KLHL32: variants seen among roughly 807,000 people sequenced by gnomAD.
KLHL32 encodes kelch-like protein 32.
KLHL32 carries 35 observed loss-of-function variants against 64.8 expected under a neutral mutation model. The ratio of observed to expected loss-of-function variants is 0.54; its 90% CI spans 0.41 to 0.72. The LOEUF (loss-of-function observed/expected upper bound fraction) is 0.72, where lower values mean the gene tolerates loss of function less well. Among genes scored for constraint, KLHL32 ranks in the 30% least tolerant of loss-of-function variants. The probability of loss-of-function intolerance (pLI) is 0.00; values close to 1 mark genes in which losing one functional copy is unlikely to be tolerated. For missense variants in KLHL32, 589 were observed against 768.5 expected (o/e 0.77, Z 2.76); for synonymous variants, 259 against 281.0 (o/e 0.92, Z 0.78).
At chr6:97,094,208 G>A (rs556344631) in intron 6 of KLHL32, among the ~76,000 whole-genome samples, 1 of 152,268 alleles carries the variant, frequency 6.6e-6, no homozygotes, top group East Asian at 1.9e-4. Flanking sequence ...TAGCAATGAT[G>A]TTCATGCTAA....
intron 3 of KLHL32, among the ~76,000 whole-genome samples, chr6:96,999,960 G>C (rs974935308): frequency 6.6e-6 from 1 of 152,208 alleles, no homozygotes; most frequent in Non-Finnish European, 1.5e-5. Context: ...TTCAGGAATA[G>C]AGACTACATG....
chr6:97,003,449 G>C (rs997197166), intron 3 of KLHL32, among the ~76,000 whole-genome samples: 8 of 152,082 alleles, frequency 5.3e-5, no homozygotes, highest in African/African-American at 1.2e-4. Flanking sequence ...TATAGTGCCT[G>C]TTTACTCTGT....
chr6:96,930,235 A>G (rs1582369336), intron 1 of KLHL32, among the ~76,000 whole-genome samples: 1 of 152,192 alleles, frequency 6.6e-6, no homozygotes, highest in East Asian at 1.9e-4. Context: ...AAATTCTGAT[A>G]CCTCATTTAA....
intron 7 of KLHL32, among the ~76,000 whole-genome samples, chr6:97,123,594 A>G (rs371325923): frequency 5.9e-5 from 9 of 152,280 alleles, no homozygotes; most frequent in Admixed American, 5.2e-4. Flanking sequence ...GGCACTTCAA[A>G]GTTAGAGAAA....
Position 97,139,317 on chromosome 6 carries a change from G to C in KLHL32, c.*35G>C. 6.4e-7 allele frequency: 1 copy of C among 1,572,802 alleles called. No homozygotes were observed. The highest frequency in any genetic ancestry group is 2.3e-5 in the East Asian group (1 of 44,096). On this transcript the variant is annotated 3_prime_UTR_variant, in exon 11 of 11. Transcript: ENST00000369261. ...CCATCATGAACAGGAGGAAAACATA[G>C]CTCTGACTGTTGGATACTGGGCATG...
At position 96,937,959 on chromosome 6, in the gene KLHL32, C is replaced by T. The variant is rs1562173841; in HGVS notation, c.-66+12933C>T. The stretch of plus-strand genomic sequence containing the variant: ...CTTCTAATTCTTCCCCAATGTGAAC[C>T]GTGTCTCCTTCTCAGACTCTGTAAA... On this transcript the variant is annotated intron_variant, in intron 1 of 10. Coordinates refer to ENST00000369261, the MANE Select transcript of KLHL32 (RefSeq NM_052904.4). Among the ~76,000 whole-genome samples the T allele has an allele frequency of 2.0e-5, 3 of 152,188 alleles. 1 individual carries two copies. Among genetic ancestry groups the T allele is most frequent in the South Asian group, 4.1e-4 (2 of 4,836 alleles).
intron 1 of KLHL32, among the ~76,000 whole-genome samples, chr6:96,964,619 G>C (rs995516789): frequency 7.2e-5 from 11 of 152,296 alleles, no homozygotes; most frequent in African/African-American, 2.4e-4. Context: ...CCCCACTGCA[G>C]TCCAGCCTGG....
intron 3 of KLHL32, among the ~76,000 whole-genome samples, chr6:97,014,037 T>C (rs1419684697): frequency 6.6e-6 from 1 of 152,194 alleles, no homozygotes; most frequent in African/African-American, 2.4e-5. Context: ...CCGGGCGCCG[T>C]GGCTCACGCT....
chr6:97,007,215 G>T (rs1487888422), intron 3 of KLHL32, among the ~76,000 whole-genome samples: 1 of 151,090 alleles, frequency 6.6e-6, no homozygotes, highest in African/African-American at 2.4e-5. Flanking sequence ...ATTTATTTTT[G>T]TCTGACTGAA....
intron 6 of KLHL32, among the ~76,000 whole-genome samples, chr6:97,113,526 T>G (rs567180581): frequency 6.6e-6 from 1 of 152,128 alleles, no homozygotes; most frequent in Non-Finnish European, 1.5e-5. Flanking sequence ...TCACCCCAAA[T>G]GGTATCTGAA....
At chr6:97,096,851 A>G (rs1358642519) in intron 6 of KLHL32, among the ~76,000 whole-genome samples, 1 of 152,202 alleles carries the variant, frequency 6.6e-6, no homozygotes, top group Non-Finnish European at 1.5e-5. Context: ...CGGGGGGAAA[A>G]CATTTACAGG....
At chr6:97,050,469 G>T (rs1786703116) in intron 4 of KLHL32, among the ~76,000 whole-genome samples, 1 of 152,166 alleles carries the variant, frequency 6.6e-6, no homozygotes, top group Non-Finnish European at 1.5e-5. Context: ...AGGGGCAAGG[G>T]CTACCCGCAG....
At chr6:96,974,989 C>A (rs917727622) in intron 2 of KLHL32, among the ~76,000 whole-genome samples, 4 of 152,178 alleles carry the variant, frequency 2.6e-5, no homozygotes, top group Non-Finnish European at 5.9e-5. Context: ...CTATTCCTGG[C>A]AGATCACCTG....
chr6:96,931,449 C>G (rs1214992726), intron 1 of KLHL32, among the ~76,000 whole-genome samples: 7 of 152,166 alleles, frequency 4.6e-5, no homozygotes, highest in Admixed American at 4.6e-4. Context: ...TTGTAGGATC[C>G]CATAGACTGA....
chr6:96,927,436 C>T (rs544418259), intron 1 of KLHL32, among the ~76,000 whole-genome samples: 1 of 152,260 alleles, frequency 6.6e-6, no homozygotes, highest in African/African-American at 2.4e-5. Flanking sequence ...CCCTGGTATA[C>T]AAAATGTTTA....
At chr6:97,066,896 G>A (rs1359645423) in intron 5 of KLHL32, among the ~76,000 whole-genome samples, 1 of 152,082 alleles carries the variant, frequency 6.6e-6, no homozygotes, top group African/African-American at 2.4e-5. Flanking sequence ...TTATTAATGT[G>A]AAAAATTCCC....
intron 3 of KLHL32, among the ~76,000 whole-genome samples, chr6:97,007,000 G>C (rs1042948827): frequency 6.6e-6 from 1 of 152,028 alleles, no homozygotes; most frequent in African/African-American, 2.4e-5. Flanking sequence ...TGTCTCACAG[G>C]GGTTCTCCAC....
chr6:97,021,949 G>T (rs911574682), intron 3 of KLHL32, among the ~76,000 whole-genome samples: 1 of 150,864 alleles, frequency 6.6e-6, no homozygotes, highest in African/African-American at 2.5e-5. Context: ...CATCCAGACT[G>T]CTGGCAGGTC....
intron 5 of KLHL32, among the ~76,000 whole-genome samples, chr6:97,069,935 GTAT>G (rs1159238315): frequency 3.3e-5 from 5 of 151,774 alleles, no homozygotes; most frequent in African/African-American, 1.2e-4. Context: ...TCTAAACAAT[GTAT>G]TATTATAATT....
Sources: allele counts gnomAD v4.1 joint callset (sites outside exome capture counted in the v4.1 genomes callset), GRCh38; gene constraint gnomAD v4.1.1; transcripts MANE v1.5; gene names NCBI Gene and HGNC (gene_info 2026-07-23, HGNC 2026-07-21).